The following PIP5K1A variants were observed in gnomAD, a reference collection of about 807,000 sequenced individuals.
PIP5K1A encodes phosphatidylinositol 4-phosphate 5-kinase type-1 alpha.
PIP5K1A carries 46 observed loss-of-function variants against 72.9 expected under a neutral mutation model. That is an observed-to-expected ratio of 0.63 (90% CI 0.50 to 0.81). The LOEUF is 0.81. PIP5K1A is among the 30% of genes least tolerant of loss of function. PIP5K1A has a pLI of 0.00. For missense variants in PIP5K1A, 458 were observed against 706.1 expected, an observed-to-expected ratio of 0.65 and a Z score of 3.98; for synonymous variants, 228 against 255.1, an observed-to-expected ratio of 0.89 and a Z score of 1.01.
At chr1:151,204,931 G>A (rs991430188) in intron 1 of PIP5K1A, among the ~76,000 whole-genome samples, 3 of 152,162 alleles carry the variant, frequency 2.0e-5, no homozygotes, top group Admixed American at 1.3e-4. Context: ...AGTACGTTTT[G>A]CTTATTAATG....
intron 1 of PIP5K1A, chr1:151,216,071 C>T (rs916330914): frequency 3.1e-5 from 25 of 810,984 alleles, no homozygotes; most frequent in Admixed American, 4.7e-5. Context: ...ATTCCTCTTC[C>T]CCATAACAGT....
intron 15 of PIP5K1A, among the ~76,000 whole-genome samples, chr1:151,247,512 G>A (rs753132960): frequency 7.9e-5 from 12 of 152,052 alleles, no homozygotes; most frequent in Non-Finnish European, 1.2e-4. Context: ...TGCAAGCTAC[G>A]CCTCCCAGGT....
intron 3 of PIP5K1A, among the ~76,000 whole-genome samples, chr1:151,225,573 A>G (rs1688999609): frequency 6.6e-6 from 1 of 150,538 alleles, no homozygotes; most frequent in Non-Finnish European, 1.5e-5. Flanking sequence ...AGGTTCAGGC[A>G]GTTCTCCTGC....
intron 1 of PIP5K1A, among the ~76,000 whole-genome samples, chr1:151,215,490 C>A (rs1187608583): frequency 6.6e-6 from 1 of 151,972 alleles, no homozygotes. Flanking sequence ...GCCACTGCGC[C>A]GGCTAATTTT....
At chr1:151,241,923 A>G (rs587636759) in intron 12 of PIP5K1A, among the ~76,000 whole-genome samples, 200 bp from the exon 13 acceptor site, 1 of 152,124 alleles carries the variant, frequency 6.6e-6, no homozygotes, top group South Asian at 2.1e-4. Context: ...CTAGGTTTTC[A>G]TGCCTCTTGG....
intron 1 of PIP5K1A, among the ~76,000 whole-genome samples, chr1:151,209,884 T>C (rs1242986458): frequency 2.0e-5 from 3 of 151,970 alleles, no homozygotes; most frequent in Non-Finnish European, 4.4e-5. Context: ...CATTTTTTTT[T>C]CTTTCTTTTT....
At position 151,199,213 on chromosome 1, in the gene PIP5K1A, A is replaced by C. The variant is rs1011523957; in HGVS notation, c.85+132A>C. The C allele has an allele frequency of 2.0e-6, 3 of 1,526,730 alleles. No individual in the cohort carries two copies. In the African/African-American group the frequency reaches 4.1e-5, roughly 21 times the overall value. The allele number at this position is 1,526,730 out of a possible 1,614,324, so 94.6% of individuals were successfully genotyped here. On this transcript the variant is annotated intron_variant, in intron 1 of 15. Coordinates refer to ENST00000368888, the MANE Select transcript of PIP5K1A (RefSeq NM_001135638.2). ...GTAAGTGGGCGCGAGCTGGGCTTTC[A>C]AATAGGGATTTATGAGCGGGCAGGA...
chr1:151,196,550 A>ATTTTTTTTTTTTTTTTT (rs5777766), upstream of PIP5K1A, among the ~76,000 whole-genome samples: 2 of 114,766 alleles, frequency 1.7e-5, no homozygotes, highest in African/African-American at 3.3e-5. Flanking sequence ...ATGCATGGGG[A>ATTTTTTTTTTTTTTTTT]TTTTTTTTTT....
intron 1 of PIP5K1A, among the ~76,000 whole-genome samples, chr1:151,203,738 T>C (rs1220473915): frequency 2.0e-5 from 3 of 151,192 alleles, no homozygotes; most frequent in African/African-American, 7.3e-5. Flanking sequence ...GCAGGAGAAT[T>C]GCTGGAACCC....
rs587626546 is a variant in PIP5K1A, at chr1:151,224,146, C to T, written c.86-99C>T. On this transcript the variant is annotated intron_variant, in intron 1 of 15. Coordinates refer to ENST00000368888, the MANE Select transcript of PIP5K1A (RefSeq NM_001135638.2). ...ACTGAGCAAGAGGCAGGAGTTTATA[C>T]TTATGTTTAGTTTGACTCAAACTCT... The T allele has an allele frequency of 2.8e-6, 3 of 1,069,166 alleles. No homozygotes were observed. The African/African-American group carries it at 4.7e-5, about 17-fold the overall frequency. 66.2% of individuals were successfully genotyped at this position (1,069,166 alleles called of 1,614,324 possible). A position where few individuals can be genotyped will look rare whatever the true frequency, so the allele number is the denominator to read the frequency against.
chr1:151,205,506 A>G lies in PIP5K1A; in HGVS notation c.85+6425A>G, dbSNP rs587761120. ...TAGAATTTTGGAGCATTCTTACTTG[A>G]CGTAAAGAAGGGAACAAGAGCCGGG... On this transcript the variant is annotated intron_variant, in intron 1 of 15. Coordinates refer to ENST00000368888, the MANE Select transcript of PIP5K1A (RefSeq NM_001135638.2). 6.6e-5 allele frequency among the ~76,000 whole-genome samples: 10 copies of G among 151,458 alleles called. No individual in the cohort carries two copies. In the South Asian group the frequency reaches 2.1e-3, roughly 32 times the overall value.
chr1:151,197,558 C>T (rs1333331752), upstream of PIP5K1A, among the ~76,000 whole-genome samples: 2 of 152,216 alleles, frequency 1.3e-5, no homozygotes, highest in African/African-American at 2.4e-5. Flanking sequence ...GGATTACAGG[C>T]GTGAGCCACC....
intron 1 of PIP5K1A, among the ~76,000 whole-genome samples, chr1:151,207,962 TC>T (rs1169351672): frequency 6.7e-6 from 1 of 149,084 alleles, no homozygotes. Context: ...CCTCCTGAGT[TC>T]AAGTGATTCC....
chr1:151,195,748 A>C (rs917749924), upstream of PIP5K1A, among the ~76,000 whole-genome samples: 3 of 151,806 alleles, frequency 2.0e-5, no homozygotes, highest in African/African-American at 4.8e-5. Context: ...CTCTGTCTCA[A>C]AAATAAAATA....
rs1314004103 is a variant in PIP5K1A at position 151,198,902 on chromosome 1, G to A, written c.-95G>A. ...CGGGGAGGTGGCCCACAGAACGCGGGTTCTGTAAAGAGACGTTGGGAAGAT... is the reference window on the plus strand; with the variant it reads ...CGGGGAGGTGGCCCACAGAACGCGGATTCTGTAAAGAGACGTTGGGAAGAT... On this transcript the variant is annotated 5_prime_UTR_variant, in exon 1 of 16. Transcript: ENST00000368888. 11 of 1,254,100 alleles carry A rather than the reference G, an allele frequency of 8.8e-6. No homozygotes were observed. The highest frequency in any genetic ancestry group is 2.3e-5 in the East Asian group (1 of 43,284). The allele number at this position is 1,254,100 out of a possible 1,614,324, so 77.7% of individuals were successfully genotyped here. A position where few individuals can be genotyped will look rare whatever the true frequency, so the allele number is the denominator to read the frequency against.
At chr1:151,195,895 T>TTTTTC (rs1684541622), upstream of PIP5K1A, among the ~76,000 whole-genome samples, 1 of 100,214 alleles carries the variant, frequency 1.0e-5, no homozygotes, top group Non-Finnish European at 2.1e-5. Context: ...TTTTTTTTTT[T>TTTTTC]TTTTTTTTTT....
intron 1 of PIP5K1A, among the ~76,000 whole-genome samples, chr1:151,201,269 A>G (rs1045166692): frequency 2.0e-5 from 3 of 151,946 alleles, no homozygotes; most frequent in Admixed American, 6.6e-5. Context: ...TTTGCTTTGT[A>G]CTCTTTGGTA....
At chr1:151,218,591 C>T (rs1377702389) in intron 1 of PIP5K1A, among the ~76,000 whole-genome samples, 1 of 152,092 alleles carries the variant, frequency 6.6e-6, no homozygotes, top group African/African-American at 2.4e-5. Flanking sequence ...AATCCCAGCA[C>T]TTTGGGAGGC....
chr1:151,218,272 C>G (rs1441197852), intron 1 of PIP5K1A, among the ~76,000 whole-genome samples: 1 of 152,106 alleles, frequency 6.6e-6, no homozygotes, highest in African/African-American at 2.4e-5. Context: ...CTTTCATATT[C>G]TTTTTGCAAA....
Sources: allele counts gnomAD v4.1 joint callset (sites outside exome capture counted in the v4.1 genomes callset), GRCh38; gene constraint gnomAD v4.1.1; transcripts MANE v1.5; gene names NCBI Gene and HGNC (gene_info 2026-07-23, HGNC 2026-07-21).